DENND2A: variants seen among roughly 807,000 people sequenced by gnomAD.
DENND2A encodes the protein DENN domain containing 2A.
In DENND2A, 53 loss-of-function variants were observed where a neutral mutation model predicts 105.3. That is an observed-to-expected ratio of 0.50 (90% CI 0.40 to 0.63). The LOEUF is 0.63. DENND2A is among the 30% of genes least tolerant of loss of function. The pLI is 0.00. For missense variants in DENND2A, 1,138 were observed against 1,279.6 expected (o/e 0.89, Z 1.69); for synonymous variants, 522 against 508.4 (o/e 1.03, Z -0.36).
At chr7:140,606,278 G>T (rs992531977) in intron 1 of DENND2A, among the ~76,000 whole-genome samples, 6 of 152,162 alleles carry the variant, frequency 3.9e-5, no homozygotes, top group Admixed American at 3.3e-4. Flanking sequence ...GGCCTCAAGT[G>T]ATCTGCCTGC....
At chr7:140,610,142 A>AT (rs537471796) in intron 1 of DENND2A, among the ~76,000 whole-genome samples, 1 of 117,242 alleles carries the variant, frequency 8.5e-6, no homozygotes, top group Non-Finnish European at 1.7e-5. Context: ...ATTAAAAAAA[A>AT]TTTTTTTTAG....
At chr7:140,588,589 C>T (rs75395698) in intron 3 of DENND2A, among the ~76,000 whole-genome samples, 28 of 151,956 alleles carry the variant, frequency 1.8e-4, no homozygotes, top group Non-Finnish European at 2.6e-4. Context: ...CACAGCAACA[C>T]GCCCTGCTAA....
intron 14 of DENND2A, among the ~76,000 whole-genome samples, chr7:140,539,703 A>G (rs10952729): frequency 0.46 from 70,192 of 152,202 alleles, 16,740 homozygotes; most frequent in African/African-American, 0.56. Flanking sequence ...TCAGACCCTC[A>G]GAAGGCGCCC....
intron 3 of DENND2A, among the ~76,000 whole-genome samples, chr7:140,595,006 G>C (rs935782678): frequency 2.0e-5 from 3 of 152,038 alleles, no homozygotes; most frequent in South Asian, 2.1e-4. Context: ...GAGCCACCTT[G>C]CTGGACCATT....
intron 11 of DENND2A, among the ~76,000 whole-genome samples, chr7:140,556,978 G>C (rs1008997599): frequency 6.6e-6 from 1 of 151,926 alleles, no homozygotes; most frequent in African/African-American, 2.4e-5. Context: ...TGAATTATTT[G>C]AGTCTTCTCT....
intron 9 of DENND2A, among the ~76,000 whole-genome samples, chr7:140,565,040 A>G (rs1797784719): frequency 6.6e-6 from 1 of 152,198 alleles, no homozygotes; most frequent in South Asian, 2.1e-4. Context: ...GCCGGTGCCT[A>G]TGGTTTACTT....
At position 140,546,876 on chromosome 7, in the gene DENND2A, T is replaced by C. The variant is rs1258607097; in HGVS notation, c.2101A>G (p.Ser701Gly). The change falls in exon 13 of 20, where the codon AGT (serine) becomes GGT (glycine). Residue 701 changes from serine (S) to glycine (G), a missense_variant. Physicochemically the swap from Ser to Gly is moderately conservative, Grantham distance 56 (BLOSUM62 0). Around this residue, in one of 2 missense-constraint regions of DENND2A, gnomAD observed 627 missense variants for 779.8 expected, o/e 0.80. Coordinates refer to ENST00000496613, the MANE Select transcript of DENND2A (RefSeq NM_015689.5). ...GCTGGGAAAGGGGCTTCCATGACAC[T>C]TCTCATGAGTGGCTGAACCAGGGCA... ...SPALVQPLMR[S>G]VMEAPFPALG... 1 of 1,614,066 alleles carries C rather than the reference T, an allele frequency of 6.2e-7. No individual in the cohort carries two copies. Among genetic ancestry groups the C allele is most frequent in the East Asian group, 2.2e-5 (1 of 44,900 alleles).
At chr7:140,519,456 T>C (rs769014574) in intron 19 of DENND2A, among the ~76,000 whole-genome samples, 176 bp downstream of exon 19, 34 of 152,110 alleles carry the variant, frequency 2.2e-4, no homozygotes, top group Admixed American at 6.6e-4. Flanking sequence ...TTCCTTTGTT[T>C]TCTCTTTGGG....
intron 12 of DENND2A, among the ~76,000 whole-genome samples, chr7:140,553,955 C>A (rs1797251820): frequency 6.6e-6 from 1 of 152,210 alleles, no homozygotes; most frequent in Admixed American, 6.5e-5. Context: ...GGGCCGGATG[C>A]AGTGGCTTGT....
chr7:140,639,423 C>T (rs1426124583), intron 1 of DENND2A, among the ~76,000 whole-genome samples: 2 of 151,734 alleles, frequency 1.3e-5, no homozygotes, highest in East Asian at 1.9e-4. Flanking sequence ...ATTACCAGGC[C>T]TCAGAAACCG....
chr7:140,597,601 C>CTGTT (rs1239704355), intron 3 of DENND2A, among the ~76,000 whole-genome samples: 1 of 152,172 alleles, frequency 6.6e-6, no homozygotes, highest in Non-Finnish European at 1.5e-5. Context: ...GTAACTTTAG[C>CTGTT]TGTTTATAAA....
rs1462857100 is a variant in DENND2A, at chr7:140,640,745, C to T, written c.-489G>A. 1.3e-5 allele frequency: 2 copies of T among 148,468 alleles called. No homozygotes were observed. The highest frequency in any genetic ancestry group is 2.5e-5 in the African/African-American group (1 of 40,454). 9.2% of individuals were successfully genotyped at this position (148,468 alleles called of 1,614,324 possible). A position where few individuals can be genotyped will look rare whatever the true frequency, so the allele number is the denominator to read the frequency against. ...CCCCCGGCCCCAGCGGCGCGCTTCC[C>T]TCGGCCGGCCCAGCGCAGGCTCGCC... On this transcript the variant is annotated 5_prime_UTR_variant, in exon 1 of 20. Transcript: ENST00000496613. The surrounding 1 kb of genome is among the most constrained non-coding windows in gnomAD (Gnocchi z 4.9).
intron 14 of DENND2A, among the ~76,000 whole-genome samples, chr7:140,530,966 A>G (rs905361452): frequency 1.3e-5 from 2 of 152,200 alleles, no homozygotes; most frequent in African/African-American, 4.8e-5. Flanking sequence ...TCCTGACCTC[A>G]GGTGATCTGT....
At chr7:140,597,821 A>G (rs893874138) in intron 3 of DENND2A, among the ~76,000 whole-genome samples, 3 of 152,166 alleles carry the variant, frequency 2.0e-5, no homozygotes, top group Admixed American at 1.3e-4. Context: ...AGCACTGGGC[A>G]GGGGCAGGGA....
intron 1 of DENND2A, among the ~76,000 whole-genome samples, chr7:140,629,137 C>T (rs1376035878): frequency 1.3e-5 from 2 of 152,046 alleles, no homozygotes; most frequent in African/African-American, 4.8e-5. Flanking sequence ...TTTTCAAAGA[C>T]AATTAGGACA....
intron 3 of DENND2A, among the ~76,000 whole-genome samples, chr7:140,589,426 A>C (rs746291132): frequency 2.0e-5 from 3 of 152,166 alleles, no homozygotes; most frequent in Non-Finnish European, 2.9e-5. Context: ...AGATGCTATG[A>C]ACCCTTACAG....
At chr7:140,614,385 G>A (rs1563179310) in intron 1 of DENND2A, among the ~76,000 whole-genome samples, 1 of 152,314 alleles carries the variant, frequency 6.6e-6, no homozygotes, top group South Asian at 2.1e-4. Flanking sequence ...AATTACAGGT[G>A]TGAGCCACCG....
chr7:140,530,863 T>C (rs1410876051), intron 14 of DENND2A, among the ~76,000 whole-genome samples: 2 of 152,114 alleles, frequency 1.3e-5, no homozygotes, highest in African/African-American at 4.8e-5. Context: ...CCAGTGTAGC[T>C]GAGATTAACA....
intron 1 of DENND2A, among the ~76,000 whole-genome samples, chr7:140,622,744 T>C (rs1681773): frequency 0.011 from 1,658 of 152,162 alleles, 35 homozygotes; most frequent in African/African-American, 0.038. Flanking sequence ...TTCTTCTTCT[T>C]ATTTTTATGT....
Sources: allele counts gnomAD v4.1 joint callset (sites outside exome capture counted in the v4.1 genomes callset), GRCh38; gene constraint gnomAD v4.1.1; regional missense constraint gnomAD v4.1.1; non-coding constraint Gnocchi (gnomAD v3.1); transcripts MANE v1.5; gene names NCBI Gene and HGNC (gene_info 2026-07-23, HGNC 2026-07-21).